The following GUSB variants were observed in gnomAD, a reference collection of about 807,000 sequenced individuals.
GUSB encodes the protein glucuronidase beta.
Under a neutral mutation model 74.6 loss-of-function variants are expected in GUSB, and 51 were observed. That is an observed-to-expected ratio of 0.68 (90% CI 0.55 to 0.86). The LOEUF (loss-of-function observed/expected upper bound fraction) is 0.86, where lower values mean the gene tolerates loss of function less well. Among genes scored for constraint, GUSB ranks in the 40% least tolerant of loss-of-function variants. GUSB has a pLI of 0.00. For missense variants in GUSB, 736 were observed against 853.7 expected (o/e 0.86, Z 1.72); for synonymous variants, 360 against 348.3 (o/e 1.03, Z -0.37).
At chr7:65,981,095 A>G (rs73150009) in intron 1 of GUSB, among the ~76,000 whole-genome samples, 1 of 151,874 alleles carries the variant, frequency 6.6e-6, no homozygotes, top group Non-Finnish European at 1.5e-5. Flanking sequence ...CTGTGGCCAG[A>G]GTGTGTGGGT....
chr7:65,974,264 C>T (rs1791406817), intron 8 of GUSB, 31 bp downstream of exon 8: 1 of 1,612,744 alleles, frequency 6.2e-7, no homozygotes, highest in Non-Finnish European at 8.5e-7. Context: ...CTCCTTCCCA[C>T]TCTAGCCGAG....
Position 65,978,535 on chromosome 7 carries a change from A to G in GUSB, c.724+864T>C, listed in dbSNP as rs188570995. 1.9e-3 allele frequency among the ~76,000 whole-genome samples: 283 copies of G among 152,182 alleles called. 3 individuals are homozygous for G. Among genetic ancestry groups the G allele is most frequent in the African/African-American group, 6.6e-3 (276 of 41,526 alleles). Reference sequence around the variant, plus strand: ...GTAACCCTTGCATTTTGGCAGGCCGAGGAGGGTGGATCACCTGAGGTTAGG... The same window carrying G: ...GTAACCCTTGCATTTTGGCAGGCCGGGGAGGGTGGATCACCTGAGGTTAGG... On this transcript the variant is annotated intron_variant, in intron 4 of 11. Coordinates refer to ENST00000304895, the MANE Select transcript of GUSB (RefSeq NM_000181.4).
At position 65,982,016 on chromosome 7, in the gene GUSB, G is replaced by A; in HGVS notation, c.168C>T (p.Arg56=). Residue 56 remains arginine, a synonymous_variant, in exon 1 of 12, where the codon CGC becomes CGT. Transcript: ENST00000304895. ...SFRADFSDNR[R]RGFEEQWYRR... is the part of the protein sequence containing the mutation. ...GGTACCACTGCTCCTCGAAGCCCCG[G>A]CGTCGGTTGTCAGAGAAGTCGGCGC... 2 of 1,610,114 alleles carry A rather than the reference G, an allele frequency of 1.2e-6. No individual in the cohort carries two copies. Among genetic ancestry groups the A allele is most frequent in the Non-Finnish European group, 1.7e-6 (2 of 1,179,388 alleles).
chr7:65,970,242 C>A, intron 9 of GUSB, 40 bp downstream of exon 9: 1 of 1,254,882 alleles, frequency 8.0e-7, no homozygotes, highest in Non-Finnish European at 1.2e-6. Context: ...CAAGCCCAGG[C>A]AAAGGCAGGG....
At chr7:65,979,965 G>T in intron 2 of GUSB, 54 bp from the exon 3 acceptor site, 1 of 1,426,018 alleles carries the variant, frequency 7.0e-7, no homozygotes, top group Non-Finnish European at 9.6e-7. Flanking sequence ...ATGAGGAGGC[G>T]CCCTACTATC....
intron 1 of GUSB, 97 bp downstream of exon 1, chr7:65,981,877 G>C: frequency 9.0e-7 from 1 of 1,112,626 alleles, no homozygotes; most frequent in Non-Finnish European, 1.3e-6. Context: ...GCCCCAGCTC[G>C]GAGACGCCCA....
chr7:65,974,180 G>T, intron 8 of GUSB, 115 bp downstream of exon 8: 1 of 934,676 alleles, frequency 1.1e-6, no homozygotes, highest in Non-Finnish European at 1.7e-6. Context: ...GGTATGGACG[G>T]CCTTCCCATT....
Position 65,975,063 on chromosome 7 carries a change from C to A in GUSB, c.921G>T (p.Leu307=). 1 of 1,613,106 alleles carries A rather than the reference C, an allele frequency of 6.2e-7. No homozygotes were observed. Among genetic ancestry groups the A allele is most frequent in the South Asian group, 1.1e-5 (1 of 91,022 alleles). Residue 307 remains leucine (L), a synonymous_variant, in exon 6 of 12, where the codon CTG becomes CTT. Coordinates refer to ENST00000304895, the MANE Select transcript of GUSB (RefSeq NM_000181.4). ...CAGGCCCCAGTGACGTCTGTGCAGT[C>A]AGCTGCACCTATGACAGCCAAAGCA... ...PAYLYSLEVQ[L]TAQTSLGPVS...
chr7:65,969,601 G>A (rs1791067450), intron 9 of GUSB, among the ~76,000 whole-genome samples: 1 of 152,094 alleles, frequency 6.6e-6, no homozygotes, highest in Non-Finnish European at 1.5e-5. Context: ...GGAGGCTGAG[G>A]CAGGAGGATC....
At position 65,980,397 on chromosome 7, in the gene GUSB, C is replaced by G; in HGVS notation, c.223G>C (p.Val75Leu). Residue 75 changes from valine (V) to leucine (L), a missense_variant, in exon 2 of 12, where the codon GTG (valine) becomes CTG (leucine). Coordinates refer to ENST00000304895, the MANE Select transcript of GUSB (RefSeq NM_000181.4). ...AAGCTGGAGGGAACTGGCATGTCCA[C>G]GGTGGGGCCTGACTGTGGAGAGAAG... ...RRPLWESGPT[V>L]DMPVPSSFND... The G allele has an allele frequency of 6.2e-7, 1 of 1,613,328 alleles. No individual in the cohort carries two copies. The highest frequency in any genetic ancestry group is 1.3e-5 in the African/African-American group (1 of 75,044).
Position 65,971,871 on chromosome 7 carries a change from T to C in GUSB, c.1392-1505A>G, listed in dbSNP as rs1791235089. 3.3e-5 allele frequency among the ~76,000 whole-genome samples: 5 copies of C among 151,156 alleles called. No homozygotes were observed. The South Asian group carries it at 8.4e-4, about 25-fold the overall frequency. ...GCCTGACCAACACGGAGAAACCCCA[T>C]ATCTACTAAAAATACAAATTAGCTG... On this transcript the variant is annotated intron_variant, in intron 8 of 11. Transcript: ENST00000304895.
intron 8 of GUSB, 132 bp downstream of exon 8, chr7:65,974,163 C>T: frequency 1.3e-6 from 1 of 799,236 alleles, no homozygotes; most frequent in Non-Finnish European, 2.1e-6. Context: ...GTCCCCTGAA[C>T]TATCTGGGTA....
At chr7:65,979,286 C>T (rs529959670) in intron 4 of GUSB, 113 bp downstream of exon 4, 1 of 1,056,608 alleles carries the variant, frequency 9.5e-7, no homozygotes, top group South Asian at 1.3e-5. Flanking sequence ...GGAAGGGAAT[C>T]TGTGAGGGTG....
intron 6 of GUSB, 71 bp from the exon 7 acceptor site, chr7:65,974,775 G>A: frequency 6.3e-7 from 1 of 1,579,352 alleles, no homozygotes; most frequent in South Asian, 1.1e-5. Flanking sequence ...CCAGGACCCT[G>A]GAGAGCCACC....
At chr7:65,969,735 C>T (rs973369481) in intron 9 of GUSB, among the ~76,000 whole-genome samples, 7 of 152,132 alleles carry the variant, frequency 4.6e-5, no homozygotes, top group African/African-American at 1.4e-4. Flanking sequence ...CAACCCTGGA[C>T]GTACTAAATC....
intron 9 of GUSB, among the ~76,000 whole-genome samples, chr7:65,968,688 G>A (rs1791005091): frequency 6.6e-6 from 1 of 152,190 alleles, no homozygotes; most frequent in Admixed American, 6.6e-5. Flanking sequence ...CCACCATCAG[G>A]TGCTTCTCAT....
Position 65,967,871 on chromosome 7 carries a change from A to G in GUSB, c.1513T>C (p.Tyr505His). ...YVDVICLNSY[Y>H]SWYHDYGHLE... ...TGCCCGTAGTCGTGATACCAAGAGTAGTAGCTGTTCAAACAGATCACATCC... is the reference window on the plus strand; with the variant it reads ...TGCCCGTAGTCGTGATACCAAGAGTGGTAGCTGTTCAAACAGATCACATCC... Residue 505 changes from tyrosine (Y) to histidine (H), a missense_variant, in exon 10 of 12, where the codon TAC becomes CAC. By Grantham distance (83) the Tyr-to-His change is moderately conservative. Coordinates refer to ENST00000304895, the MANE Select transcript of GUSB (RefSeq NM_000181.4). 1 of 1,604,100 alleles carries G rather than the reference A, an allele frequency of 6.2e-7. No individual in the cohort carries two copies. Among genetic ancestry groups the G allele is most frequent in the Non-Finnish European group, 8.5e-7 (1 of 1,179,856 alleles).
rs747969208 is a variant in GUSB, at chr7:65,979,806, T to C, written c.502A>G (p.Ile168Val). The C allele has an allele frequency of 3.1e-6, 5 of 1,613,650 alleles. No individual in the cohort carries two copies. Among genetic ancestry groups the C allele is most frequent in the African/African-American group, 2.7e-5 (2 of 74,904 alleles). ...QVGPLPSRLR[I>V]TIAINNTLTP... is the part of the protein sequence containing the mutation. ...AGTGTGTTGTTGATGGCGATAGTGA[T>C]TCGGAGCCGGGAGGGCAGGGGCCCC... Residue 168 changes from isoleucine to valine, a missense_variant, in exon 3 of 12, where the codon ATC (isoleucine) becomes GTC (valine). Coordinates refer to ENST00000304895, the MANE Select transcript of GUSB (RefSeq NM_000181.4).
At chr7:65,963,430 T>G (rs1423534894) in intron 11 of GUSB, among the ~76,000 whole-genome samples, 1 of 152,152 alleles carries the variant, frequency 6.6e-6, no homozygotes, top group Non-Finnish European at 1.5e-5. Context: ...CCCACCAAAC[T>G]GCTATCTTCA....
Sources: gnomAD v4.1 joint callset for allele counts (sites outside exome capture counted in the v4.1 genomes callset) on GRCh38, gnomAD v4.1.1 for gene constraint, MANE v1.5 for transcripts, NCBI Gene and HGNC (gene_info 2026-07-23, HGNC 2026-07-21) for gene names.